FMN2: variants seen among roughly 807,000 people sequenced by gnomAD.
FMN2 encodes the protein formin 2, also known as formin-2.
FMN2 carries 51 observed loss-of-function variants against 142.3 expected under a neutral mutation model. The observed-to-expected ratio is 0.36, with a 90% CI of 0.29 to 0.45. FMN2 has a LOEUF of 0.45. Among genes scored for constraint, FMN2 ranks in the 20% least tolerant of loss-of-function variants. The pLI is 1.00. For missense variants in FMN2, 1,936 were observed against 2,122.8 expected, an observed-to-expected ratio of 0.91 and a Z score of 1.73; for synonymous variants, 882 against 869.8, an observed-to-expected ratio of 1.01 and a Z score of -0.25.
chr1:240,241,825 C>CTTTTTTTTTTTTTTTTTTTT lies in FMN2; in HGVS notation c.4066-16110_4066-16091dup, dbSNP rs71567282. 1.5e-4 allele frequency among the ~76,000 whole-genome samples: 14 copies of CTTTTTTTTTTTTTTTTTTTT among 96,222 alleles called. 2 individuals carry two copies. The highest frequency in any genetic ancestry group is 4.9e-4 in the African/African-American group (13 of 26,318). The allele number at this position is 96,222 out of a possible 152,430, so 63.1% of individuals were successfully genotyped here. ...ATTTTCTTTATTTTAGTGTGCCTTG[C>CTTTTTTTTTTTTTTTTTTTT]TTTTTTTTTTTTTTTTTTTTTTTTT... On this transcript the variant is annotated intron_variant, in intron 6 of 17. Transcript: ENST00000319653.
At chr1:240,224,252 G>A (rs778656673) in intron 6 of FMN2, among the ~76,000 whole-genome samples, 46 of 152,030 alleles carry the variant, frequency 3.0e-4, no homozygotes, top group Non-Finnish European at 5.1e-4. Flanking sequence ...CCCAGTAGTC[G>A]TTCAGGAGCA....
chr1:240,169,446 T>TGA (rs1664614230), intron 2 of FMN2, among the ~76,000 whole-genome samples: 1 of 152,092 alleles, frequency 6.6e-6, no homozygotes, highest in Non-Finnish European at 1.5e-5. Flanking sequence ...GGGATAGATT[T>TGA]TATTTGATTT....
chr1:240,444,568 G>C (rs148727722), intron 16 of FMN2, among the ~76,000 whole-genome samples: 1 of 152,324 alleles, frequency 6.6e-6, no homozygotes, highest in East Asian at 1.9e-4. Context: ...GAGACAGGTA[G>C]TCTTTGATGA....
intron 6 of FMN2, among the ~76,000 whole-genome samples, chr1:240,236,122 G>A (rs1388752304): frequency 2.6e-5 from 4 of 152,220 alleles, no homozygotes; most frequent in East Asian, 1.9e-4. Flanking sequence ...CATGATCTGC[G>A]GTGAAAGTTG....
intron 16 of FMN2, among the ~76,000 whole-genome samples, chr1:240,471,166 A>T (rs1676793926): frequency 6.6e-6 from 1 of 152,190 alleles, no homozygotes. Context: ...TATATGCTTA[A>T]CAAGAAATAC....
At chr1:240,125,396 G>GA (rs1389683508) in intron 2 of FMN2, among the ~76,000 whole-genome samples, 9 of 152,090 alleles carry the variant, frequency 5.9e-5, no homozygotes, top group Non-Finnish European at 1.3e-4. Context: ...TCTCTTATGG[G>GA]AAAAAATATA....
intron 2 of FMN2, among the ~76,000 whole-genome samples, chr1:240,172,625 A>G (rs1398191291): frequency 6.6e-6 from 1 of 152,166 alleles, no homozygotes; most frequent in Non-Finnish European, 1.5e-5. Flanking sequence ...TGATGAGAAT[A>G]TTGAGGCTCC....
intron 16 of FMN2, among the ~76,000 whole-genome samples, chr1:240,453,188 C>A (rs1205220666): frequency 6.6e-6 from 1 of 152,148 alleles, no homozygotes; most frequent in Non-Finnish European, 1.5e-5. Flanking sequence ...CTGCCATTAT[C>A]ATTAATATAT....
At chr1:240,127,191 T>A (rs1285368962) in intron 2 of FMN2, among the ~76,000 whole-genome samples, 1 of 151,514 alleles carries the variant, frequency 6.6e-6, no homozygotes, top group East Asian at 1.9e-4. Context: ...AGGCATGATC[T>A]TGGCTCACTG....
chr1:240,270,804 A>G (rs1206651599), intron 7 of FMN2, among the ~76,000 whole-genome samples: 1 of 152,038 alleles, frequency 6.6e-6, no homozygotes, highest in Non-Finnish European at 1.5e-5. Flanking sequence ...TAATAGAGGT[A>G]GAAAGTAGAG....
intron 7 of FMN2, among the ~76,000 whole-genome samples, chr1:240,284,730 T>C (rs1257502962): frequency 1.3e-5 from 2 of 152,130 alleles, no homozygotes; most frequent in African/African-American, 4.8e-5. Flanking sequence ...CCCTCAAATT[T>C]TTAAGGACCT....
chr1:240,469,056 A>G (rs2103244902), intron 16 of FMN2, among the ~76,000 whole-genome samples: 1 of 152,236 alleles, frequency 6.6e-6, no homozygotes, highest in East Asian at 1.9e-4. Flanking sequence ...ACTCAGGAGC[A>G]AGTTGATGTG....
In FMN2 at chr1:240,380,715, T is replaced by TAA. The variant is rs11384026; in HGVS notation, c.4859-11783_4859-11782dup. The stretch of plus-strand genomic sequence containing the variant: ...TGAACAAACCAAACTCAAAACTAGT[T>TAA]AAAAAAAAAAAAAAGAAATGGCAAA... On this transcript the variant is annotated intron_variant, in intron 14 of 17. Transcript: ENST00000319653. Among the ~76,000 whole-genome samples, 765 of 127,748 alleles carry TAA rather than the reference T, an allele frequency of 6.0e-3. 7 individuals carry two copies. Among genetic ancestry groups the TAA allele is most frequent in the Admixed American group, 0.026 (348 of 13,154 alleles). 83.8% of individuals were successfully genotyped at this position (127,748 alleles called of 152,430 possible). A position where few individuals can be genotyped will look rare whatever the true frequency, so the allele number is the denominator to read the frequency against.
intron 3 of FMN2, among the ~76,000 whole-genome samples, chr1:240,180,973 G>A (rs924919947): frequency 6.0e-5 from 9 of 151,072 alleles, no homozygotes; most frequent in African/African-American, 1.7e-4. Context: ...TTTTTCCTGC[G>A]TGCTTCGTTC....
At chr1:240,116,264 A>T (rs1475782349) in intron 1 of FMN2, among the ~76,000 whole-genome samples, 2 of 152,166 alleles carry the variant, frequency 1.3e-5, no homozygotes, top group Non-Finnish European at 2.9e-5. Flanking sequence ...TGCCCCATGC[A>T]TTCCGTCCAG....
intron 8 of FMN2, among the ~76,000 whole-genome samples, chr1:240,302,002 A>G (rs560843546): frequency 4.5e-4 from 68 of 152,034 alleles, no homozygotes; most frequent in African/African-American, 1.5e-3. Flanking sequence ...AATGACATAC[A>G]TGTTACATCT....
At chr1:240,343,137 A>T (rs930968587) in intron 13 of FMN2, among the ~76,000 whole-genome samples, 1 of 152,224 alleles carries the variant, frequency 6.6e-6, no homozygotes, top group African/African-American at 2.4e-5. Context: ...GACGGGGCTC[A>T]TTGCAGTGGA....
intron 2 of FMN2, chr1:240,170,321 C>T: frequency 3.7e-6 from 4 of 1,088,882 alleles, no homozygotes; most frequent in Non-Finnish European, 5.7e-6. Flanking sequence ...AATGCCTATA[C>T]CCTGAGCAGA....
chr1:240,446,202 T>G (rs1226482738), intron 16 of FMN2, among the ~76,000 whole-genome samples: 1 of 152,244 alleles, frequency 6.6e-6, no homozygotes, highest in African/African-American at 2.4e-5. Context: ...GAAAGGGCTT[T>G]GCATTTGCTT....
Sources: gnomAD v4.1 joint callset for allele counts (sites outside exome capture counted in the v4.1 genomes callset) on GRCh38, gnomAD v4.1.1 for gene constraint, MANE v1.5 for transcripts, NCBI Gene and HGNC (gene_info 2026-07-23, HGNC 2026-07-21) for gene names.